LILRB3: variants seen among roughly 807,000 people sequenced by gnomAD.
LILRB3 encodes leukocyte immunoglobulin-like receptor subfamily B member 3.
In LILRB3, 32 loss-of-function variants were observed where a neutral mutation model predicts 68.2. The observed-to-expected ratio is 0.47, with a 90% CI of 0.35 to 0.63. LILRB3 has a LOEUF of 0.63. LILRB3 is among the 30% of genes least tolerant of loss of function. The probability of loss-of-function intolerance (pLI) is 0.00; values close to 1 mark genes in which losing one functional copy is unlikely to be tolerated. For missense variants in LILRB3, 502 were observed against 791.3 expected (o/e 0.63, Z 4.39); for synonymous variants, 185 against 323.1 (o/e 0.57, Z 4.58).
At chr19:54,219,516 G>C (rs112492538) in intron 7 of LILRB3, 25 of 1,550,326 alleles carry the variant, frequency 1.6e-5, no homozygotes, top group Non-Finnish European at 1.5e-5. Context: ...CACCAGAGCC[G>C]AGACCCGGAG....
chr19:54,218,733 G>T lies in LILRB3; in HGVS notation c.1502+30C>A, dbSNP rs765510794. On this transcript the variant is annotated intron_variant, in intron 9 of 12. Transcript: ENST00000445347. ...GGGCAGTGTATGGGCTGTGGTGGGTGGGAGTCTGTGGTCTTTGGGGCAGAA... is the reference window on the plus strand; with the variant it reads ...GGGCAGTGTATGGGCTGTGGTGGGTTGGAGTCTGTGGTCTTTGGGGCAGAA... 3.1e-6 allele frequency: 5 copies of T among 1,614,124 alleles called. No individual in the cohort carries two copies. The Admixed American group carries it at 8.3e-5, about 27-fold the overall frequency.
chr19:54,222,138 A>G lies in LILRB3; in HGVS notation c.356-8T>C, dbSNP rs2078248755. On this transcript the variant is annotated splice_region_variant and splice_polypyrimidine_tract_variant and intron_variant, in intron 3 of 12. Coordinates refer to ENST00000445347, the Ensembl canonical transcript of LILRB3. ...TGGGTTTGTTGTAGAATCCTAGGAGAGAAAGAGGCACCGTGTTAAATGGGG... is the reference window on the plus strand; with the variant it reads ...TGGGTTTGTTGTAGAATCCTAGGAGGGAAAGAGGCACCGTGTTAAATGGGG... 2.2e-5 allele frequency: 35 copies of G among 1,607,302 alleles called. No homozygotes were observed. In the South Asian group the frequency reaches 3.7e-4, roughly 17 times the overall value.
intron 10 of LILRB3, 112 bp from the exon 11 acceptor site, chr19:54,218,525 T>C (rs2077720433): frequency 1.2e-6 from 2 of 1,602,552 alleles, no homozygotes; most frequent in Admixed American, 3.4e-5. Flanking sequence ...GGTCCCACAG[T>C]GTGGGGCAAG....
At chr19:54,219,286 T>C in intron 7 of LILRB3, 41 bp from the exon 8 acceptor site, 1 of 1,519,316 alleles carries the variant, frequency 6.6e-7, no homozygotes, top group Non-Finnish European at 8.8e-7. Context: ...ATGTCATTGA[T>C]GTGAGCACCT....
In LILRB3 at chr19:54,222,300, G is replaced by C. The variant is rs772494497; in HGVS notation, c.333C>G (p.Asp111Glu). ...CACCTGTCATCACCAGCTCCAGGGG[G>C]TCGCTGGGCTCTGACCAGCCTGCAG... Residue 111 changes from aspartate (D) to glutamate (E), a missense_variant, in exon 3 of 13, where the codon GAC becomes GAG. Physicochemically the swap from Asp to Glu is conservative, Grantham distance 45 (BLOSUM62 2). This residue lies in a region of LILRB3 where 97 missense variants were observed against 180.4 expected (regional missense o/e 0.54). Coordinates refer to ENST00000445347, the Ensembl canonical transcript of LILRB3. 6.2e-6 allele frequency: 10 copies of C among 1,610,686 alleles called. 1 individual carries two copies. The South Asian group carries it at 8.8e-5, about 14-fold the overall frequency.
intron 7 of LILRB3, chr19:54,219,842 A>G (rs1410655467): frequency 6.5e-7 from 1 of 1,528,446 alleles, no homozygotes. Flanking sequence ...GACCCCGCCC[A>G]TCTCCCACTC....
intron 7 of LILRB3, chr19:54,219,608 G>A: frequency 3.3e-6 from 5 of 1,537,456 alleles, no homozygotes; most frequent in Non-Finnish European, 4.4e-6. Flanking sequence ...GCTGCAGGTG[G>A]GACGGGACAG....
exon 8 of LILRB3, chr19:54,219,245 C>G (rs543988973): frequency 1.9e-6 from 3 of 1,565,896 alleles, no homozygotes; most frequent in Admixed American, 4.0e-5. Context: ...TCTTCCCAGA[C>G]CTTGACATGA....
At chr19:54,219,879 G>A (rs1416229138) in intron 7 of LILRB3, 15 of 1,549,370 alleles carry the variant, frequency 9.7e-6, no homozygotes, top group Non-Finnish European at 1.3e-5. Context: ...CATTCTGAGG[G>A]CCTGACCCTG....
chr19:54,218,416 G>C lies in LILRB3; in HGVS notation c.1541-3C>G. The C allele has an allele frequency of 6.2e-7, 1 of 1,614,146 alleles. No individual in the cohort carries two copies. Among genetic ancestry groups the C allele is most frequent in the Non-Finnish European group, 8.5e-7 (1 of 1,179,984 alleles). ...CTGTGTGTCCTTCACAGCAGCATCT[G>C]CTGGGGCAGAGCAAGGGGTTCGTCT... On this transcript the variant is annotated splice_region_variant and splice_polypyrimidine_tract_variant and intron_variant, in intron 10 of 12. Coordinates refer to ENST00000445347, the Ensembl canonical transcript of LILRB3.
chr19:54,216,302 T>A (rs1156401395), exon 13 of LILRB3: 3 of 151,450 alleles, frequency 2.0e-5, no homozygotes, highest in African/African-American at 7.3e-5. Context: ...TTTTTTATTT[T>A]TTTTCTTTCT....
chr19:54,218,396 T>C, exon 11 of LILRB3: 3 of 1,614,154 alleles, frequency 1.9e-6, no homozygotes, highest in Non-Finnish European at 2.5e-6. Context: ...TCAGACTGTG[T>C]GTCCTTCACA....
intron 7 of LILRB3, chr19:54,219,626 T>C (rs117578514): frequency 0.11 from 166,590 of 1,514,030 alleles, 9,677 homozygotes; most frequent in Middle Eastern, 0.14. Context: ...CAGGCCCCTG[T>C]GGAATCGGGT....
chr19:54,221,152 A>G, exon 5 of LILRB3: 1 of 1,190,452 alleles, frequency 8.4e-7, no homozygotes, highest in Non-Finnish European at 1.2e-6. Flanking sequence ...GCACCATAGC[A>G]CCTGTACTGG....
At chr19:54,222,690 G>A in intron 2 of LILRB3, 57 bp downstream of exon 2, 2 of 1,612,440 alleles carry the variant, frequency 1.2e-6, no homozygotes, top group Non-Finnish European at 1.7e-6. Flanking sequence ...GCTGCCCATG[G>A]GTGGCCCCCT....
chr19:54,217,447 C>G, exon 12 of LILRB3: 1 of 1,609,742 alleles, frequency 6.2e-7, no homozygotes, highest in Non-Finnish European at 8.5e-7. Flanking sequence ...GCATACGTCA[C>G]TGCCTGGGGG....
intron 8 of LILRB3, 80 bp downstream of exon 8, chr19:54,219,049 C>T (rs1021710494): frequency 1.3e-6 from 2 of 1,538,430 alleles, no homozygotes; most frequent in African/African-American, 1.4e-5. Context: ...AACTGACACC[C>T]CTGTGTGTTT....
At chr19:54,216,491 T>C (rs1470533081) in exon 13 of LILRB3, 3 of 356,254 alleles carry the variant, frequency 8.4e-6, no homozygotes, top group Non-Finnish European at 1.2e-5. Context: ...TTTGTATTTT[T>C]AGTAGAGACG....
chr19:54,216,757 C>T, exon 13 of LILRB3: 1 of 1,193,168 alleles, frequency 8.4e-7, no homozygotes, highest in Non-Finnish European at 1.1e-6. Flanking sequence ...AGTCATAGCT[C>T]ACTGCAGCCT....
Sources: gnomAD v4.1 joint callset for allele counts on GRCh38, gnomAD v4.1.1 for gene constraint, gnomAD v4.1.1 regional missense constraint, MANE v1.5 for transcripts, NCBI Gene and HGNC (gene_info 2026-07-23, HGNC 2026-07-21) for gene names.